Variants in NLGN1 observed in about 807,000 individuals in gnomAD.
The protein encoded by NLGN1 is neuroligin 1.
In NLGN1, 12 loss-of-function variants were observed where a neutral mutation model predicts 65.5. The observed-to-expected ratio is 0.18, with a 90% CI of 0.12 to 0.30. NLGN1 has a LOEUF of 0.30. NLGN1 is among the 10% of genes least tolerant of loss of function. NLGN1 has a pLI of 1.00. For synonymous variants in NLGN1, 350 were observed against 359.5 expected, an observed-to-expected ratio of 0.97 and a Z score of 0.30; for missense variants, 750 against 1,007.1, an observed-to-expected ratio of 0.74 and a Z score of 3.46.
At chr3:173,665,053 C>A (rs1761503186) in intron 3 of NLGN1, among the ~76,000 whole-genome samples, 1 of 152,072 alleles carries the variant, frequency 6.6e-6, no homozygotes, top group South Asian at 2.1e-4. Context: ...TGACAACATA[C>A]AAGAAATACA....
chr3:173,872,665 G>C (rs1449714520), intron 4 of NLGN1, among the ~76,000 whole-genome samples: 1 of 152,042 alleles, frequency 6.6e-6, no homozygotes, highest in Non-Finnish European at 1.5e-5. Flanking sequence ...GTTTCTTCAG[G>C]GCTATAAGAA....
chr3:174,238,830 C>A (rs1358432763), intron 4 of NLGN1, among the ~76,000 whole-genome samples: 1 of 152,122 alleles, frequency 6.6e-6, no homozygotes, highest in Admixed American at 6.5e-5. Context: ...GATAAGCACT[C>A]ACTCTCATTT....
chr3:174,176,497 G>C (rs1426621920), intron 4 of NLGN1, among the ~76,000 whole-genome samples: 1 of 151,978 alleles, frequency 6.6e-6, no homozygotes, highest in Non-Finnish European at 1.5e-5. Context: ...CATCAGTGGT[G>C]AGACTCCCTT....
At chr3:173,897,281 G>A (rs1736503334) in intron 4 of NLGN1, among the ~76,000 whole-genome samples, 1 of 152,170 alleles carries the variant, frequency 6.6e-6, no homozygotes, top group South Asian at 2.1e-4. Flanking sequence ...GCATCTTGAT[G>A]CCTCTGCAAT....
At chr3:173,479,832 T>TA (rs1227075208) in intron 2 of NLGN1, among the ~76,000 whole-genome samples, 3 of 152,158 alleles carry the variant, frequency 2.0e-5, no homozygotes, top group Non-Finnish European at 4.4e-5. Context: ...AGAGAGGGCC[T>TA]AAGTGTAAGA....
chr3:174,100,611 C>G (rs1669104863), intron 4 of NLGN1, among the ~76,000 whole-genome samples: 1 of 152,078 alleles, frequency 6.6e-6, no homozygotes, highest in South Asian at 2.1e-4. Flanking sequence ...ACACGGAACT[C>G]TAAAAGTGGT....
At chr3:173,582,504 A>T (rs1480304646) in intron 2 of NLGN1, among the ~76,000 whole-genome samples, 2 of 152,066 alleles carry the variant, frequency 1.3e-5, no homozygotes, top group Non-Finnish European at 2.9e-5. Context: ...CATGACTGGG[A>T]AACAAAAATC....
chr3:173,692,255 G>C (rs1349356410), intron 3 of NLGN1, among the ~76,000 whole-genome samples: 1 of 152,100 alleles, frequency 6.6e-6, no homozygotes, highest in Admixed American at 6.6e-5. Context: ...TAGATGTTAT[G>C]ACATCGCTTA....
intron 4 of NLGN1, among the ~76,000 whole-genome samples, chr3:173,955,906 A>G (rs1019297633): frequency 2.6e-5 from 4 of 152,144 alleles, no homozygotes; most frequent in African/African-American, 7.2e-5. Context: ...TTTTGGTACA[A>G]TTAGAGGTCA....
chr3:173,714,870 C>A (rs1187844341), intron 3 of NLGN1, among the ~76,000 whole-genome samples: 1 of 151,996 alleles, frequency 6.6e-6, no homozygotes, highest in African/African-American at 2.4e-5. Flanking sequence ...AGGGTTTTGT[C>A]CTGAGTGTTA....
chr3:173,507,515 A>G (rs988990400), intron 2 of NLGN1, among the ~76,000 whole-genome samples: 3 of 152,166 alleles, frequency 2.0e-5, no homozygotes, highest in African/African-American at 7.2e-5. Context: ...TTCACTTAGT[A>G]TGTCCACCAT....
chr3:173,654,863 G>A (rs111414448), intron 3 of NLGN1, among the ~76,000 whole-genome samples: 196 of 152,212 alleles, frequency 1.3e-3, no homozygotes, highest in African/African-American at 4.5e-3. Context: ...TTAATGGATG[G>A]ATGATGTATT....
chr3:173,460,189 T>C (rs952243244), intron 2 of NLGN1, among the ~76,000 whole-genome samples: 9 of 152,110 alleles, frequency 5.9e-5, no homozygotes, highest in Non-Finnish European at 1.2e-4. Flanking sequence ...TTATGTGTGC[T>C]CTAATTACCC....
intron 3 of NLGN1, among the ~76,000 whole-genome samples, chr3:173,615,426 G>T (rs1259032581): frequency 6.6e-6 from 1 of 152,010 alleles, no homozygotes; most frequent in East Asian, 1.9e-4. Context: ...ACAAGAAATA[G>T]GGCTTTTTTT....
intron 3 of NLGN1, among the ~76,000 whole-genome samples, chr3:173,685,384 A>T (rs996752193): frequency 6.6e-6 from 1 of 152,158 alleles, no homozygotes; most frequent in Non-Finnish European, 1.5e-5. Flanking sequence ...ATCTTATGAA[A>T]ATTAAGAGCT....
chr3:173,648,382 A>G (rs1758612069), intron 3 of NLGN1, among the ~76,000 whole-genome samples: 1 of 152,246 alleles, frequency 6.6e-6, no homozygotes, highest in Non-Finnish European at 1.5e-5. Flanking sequence ...GATAAGAAAT[A>G]AGCACATGCT....
intron 4 of NLGN1, among the ~76,000 whole-genome samples, chr3:173,989,073 C>T (rs758984988): frequency 1.5e-4 from 23 of 152,128 alleles, no homozygotes; most frequent in Non-Finnish European, 2.9e-4. Context: ...TTTGGCTCAG[C>T]TAATTTCATT....
chr3:174,207,466 T>C (rs1319812161), intron 4 of NLGN1, among the ~76,000 whole-genome samples: 1 of 152,198 alleles, frequency 6.6e-6, no homozygotes, highest in Non-Finnish European at 1.5e-5. Flanking sequence ...TCAGCTCAAT[T>C]AGAAATAAAA....
At chr3:173,953,746 G>T (rs987602899) in intron 4 of NLGN1, among the ~76,000 whole-genome samples, 1 of 151,984 alleles carries the variant, frequency 6.6e-6, no homozygotes. Context: ...GACTCAATAT[G>T]TTGTCCAGGC....
Sources: allele counts gnomAD v4.1 joint callset (sites outside exome capture counted in the v4.1 genomes callset), GRCh38; gene constraint gnomAD v4.1.1; transcripts MANE v1.5; gene names NCBI Gene and HGNC (gene_info 2026-07-23, HGNC 2026-07-21).